CFAP54: variants seen among roughly 807,000 people sequenced by gnomAD.
The protein encoded by CFAP54 is cilia- and flagella-associated protein 54.
A neutral mutation model predicts 370.4 loss-of-function variants in CFAP54; 290 were observed. The observed-to-expected ratio is 0.78, with a 90% CI of 0.71 to 0.86. The LOEUF is 0.86. Among genes scored for constraint, CFAP54 ranks in the 40% least tolerant of loss-of-function variants. CFAP54 has a pLI of 0.00. For missense variants in CFAP54, 3,399 were observed against 3,528.7 expected (o/e 0.96, Z 0.93); for synonymous variants, 1,206 against 1,236.5 (o/e 0.98, Z 0.52).
At chr12:96,830,251 GT>G (rs1295289449) in intron 66 of CFAP54, among the ~76,000 whole-genome samples, 1 of 152,134 alleles carries the variant, frequency 6.6e-6, no homozygotes, top group Non-Finnish European at 1.5e-5. Flanking sequence ...GTAATTCTAT[GT>G]TTAACCTTTC....
chr12:96,607,055 C>T (rs1248421369), intron 26 of CFAP54, among the ~76,000 whole-genome samples: 3 of 152,210 alleles, frequency 2.0e-5, no homozygotes, highest in Non-Finnish European at 2.9e-5. Flanking sequence ...CTTCTACCCT[C>T]CACCTTAGCA....
intron 65 of CFAP54, among the ~76,000 whole-genome samples, chr12:96,826,388 T>G: frequency 9.6e-6 from 1 of 104,254 alleles, no homozygotes; most frequent in African/African-American, 3.7e-5. Context: ...AATATATTGT[T>G]ATATATATAT....
rs975529914 is a variant in CFAP54, at chr12:96,720,043, G to A, written c.6805-362G>A. Among the ~76,000 whole-genome samples, 3 of 152,294 alleles carry A rather than the reference G, an allele frequency of 2.0e-5. No homozygotes were observed. The East Asian group carries it at 5.8e-4, about 29-fold the overall frequency. ...GTATTGAGCAGTTAATGAAAATGTTGTGACCAGAGGCTCTCGGGTACTTTT... is the reference window on the plus strand; with the variant it reads ...GTATTGAGCAGTTAATGAAAATGTTATGACCAGAGGCTCTCGGGTACTTTT... On this transcript the variant is annotated intron_variant, in intron 49 of 67. Coordinates refer to ENST00000524981, the MANE Select transcript of CFAP54 (RefSeq NM_001306084.2).
At position 96,580,278 on chromosome 12, in the gene CFAP54, A is replaced by C. The variant is rs528958270; in HGVS notation, c.2797-319A>C. On this transcript the variant is annotated intron_variant, in intron 20 of 67. Coordinates refer to ENST00000524981, the MANE Select transcript of CFAP54 (RefSeq NM_001306084.2). ...GCATCTCCATTTCCTGTGAAGCAAA[A>C]TGACAATAGTAATCCCATCTCATAG... Among the ~76,000 whole-genome samples the C allele has an allele frequency of 1.2e-3, 177 of 152,226 alleles. 1 individual carries two copies. Among genetic ancestry groups the C allele is most frequent in the Admixed American group, 6.0e-3 (91 of 15,274 alleles).
At chr12:96,673,321 G>A (rs550704337) in intron 39 of CFAP54, among the ~76,000 whole-genome samples, 123 of 152,144 alleles carry the variant, frequency 8.1e-4, no homozygotes, top group African/African-American at 2.7e-3. Flanking sequence ...CCTCTTCTCC[G>A]TTGCTCCCTT....
intron 13 of CFAP54, chr12:96,540,262 T>C (rs528347492): frequency 6.6e-6 from 1 of 152,266 alleles, no homozygotes; most frequent in East Asian, 1.9e-4. Context: ...GCCAATACGC[T>C]GGCTATTTTT....
At chr12:96,595,991 G>A (rs1383860324) in intron 25 of CFAP54, among the ~76,000 whole-genome samples, 1 of 152,054 alleles carries the variant, frequency 6.6e-6, no homozygotes, top group Admixed American at 6.6e-5. Context: ...GTAACATGAT[G>A]TCATTGATAT....
In CFAP54 at chr12:96,742,422, A is replaced by T. The variant is rs777992206; in HGVS notation, c.7072-17A>T. Reference sequence around the variant, plus strand: ...ATTATTAAATGGAAAGATAACCATCATTTTAATATTGTTTAGGTCACTGAA... The same window carrying T: ...ATTATTAAATGGAAAGATAACCATCTTTTTAATATTGTTTAGGTCACTGAA... On this transcript the variant is annotated splice_polypyrimidine_tract_variant and intron_variant, in intron 51 of 67. Coordinates refer to ENST00000524981, the MANE Select transcript of CFAP54 (RefSeq NM_001306084.2). 2 of 1,527,590 alleles carry T rather than the reference A, an allele frequency of 1.3e-6. No homozygotes were observed. Among genetic ancestry groups the T allele is most frequent in the South Asian group, 2.3e-5 (2 of 87,756 alleles). The allele number at this position is 1,527,590 out of a possible 1,614,324, so 94.6% of individuals were successfully genotyped here.
At chr12:96,802,139 C>A (rs1435844833) in intron 63 of CFAP54, among the ~76,000 whole-genome samples, 4 of 152,012 alleles carry the variant, frequency 2.6e-5, no homozygotes, top group African/African-American at 9.7e-5. Flanking sequence ...TGCTGCCTGA[C>A]CAAGGAGGGA....
At chr12:96,799,521 T>A (rs1958800907) in intron 63 of CFAP54, among the ~76,000 whole-genome samples, 1 of 152,204 alleles carries the variant, frequency 6.6e-6, no homozygotes, top group African/African-American at 2.4e-5. Context: ...CTCTTTGTTC[T>A]CCAGCACCAT....
chr12:96,582,972 G>A (rs573149589), intron 22 of CFAP54, among the ~76,000 whole-genome samples: 2 of 152,264 alleles, frequency 1.3e-5, no homozygotes, highest in African/African-American at 2.4e-5. Flanking sequence ...TTTCATGAGA[G>A]TGGTTAGTTT....
intron 14 of CFAP54, 59 bp downstream of exon 14, chr12:96,541,046 T>G (rs1955563575): frequency 1.7e-6 from 2 of 1,145,820 alleles, no homozygotes; most frequent in Admixed American, 6.9e-5. Flanking sequence ...AGGTATGATA[T>G]CAAATGCAGG....
intron 33 of CFAP54, among the ~76,000 whole-genome samples, chr12:96,647,439 C>T (rs1378163128): frequency 8.1e-6 from 1 of 123,996 alleles, no homozygotes. Context: ...CGCCACTGCA[C>T]TCCAGTCTGG....
intron 42 of CFAP54, among the ~76,000 whole-genome samples, chr12:96,685,868 C>T (rs145858207): frequency 4.6e-5 from 7 of 152,204 alleles, no homozygotes; most frequent in South Asian, 2.1e-4. Context: ...TGACTTGTTG[C>T]GTGGTCAAAT....
At chr12:96,702,540 G>A (rs1423669228) in intron 46 of CFAP54, among the ~76,000 whole-genome samples, 2 of 131,546 alleles carry the variant, frequency 1.5e-5, no homozygotes, top group African/African-American at 6.0e-5. Context: ...GTTTTCAATG[G>A]TCACTGCCTT....
At chr12:96,701,773 G>C (rs570967319) in intron 46 of CFAP54, among the ~76,000 whole-genome samples, 1 of 150,964 alleles carries the variant, frequency 6.6e-6, no homozygotes, top group Non-Finnish European at 1.5e-5. Flanking sequence ...GCTGCAATGA[G>C]GAGGAGGAGG....
chr12:96,512,970 C>T lies in CFAP54; in HGVS notation c.740-16C>T. Reference sequence around the variant, plus strand: ...TTTGACTGTAAAACATGTTAACAATCGTTTTCTCCATCCAGGTACCATTTA... The same window carrying T: ...TTTGACTGTAAAACATGTTAACAATTGTTTTCTCCATCCAGGTACCATTTA... On this transcript the variant is annotated splice_polypyrimidine_tract_variant and intron_variant, in intron 4 of 67. Coordinates refer to ENST00000524981, the MANE Select transcript of CFAP54 (RefSeq NM_001306084.2). 2.0e-6 allele frequency: 3 copies of T among 1,480,594 alleles called. No individual in the cohort carries two copies. The highest frequency in any genetic ancestry group is 2.7e-6 in the Non-Finnish European group (3 of 1,110,266). 91.7% of individuals were successfully genotyped at this position (1,480,594 alleles called of 1,614,324 possible).
At position 96,868,430 on chromosome 12, in the gene CFAP54, CT is replaced by C. The variant is rs35020483; in HGVS notation, c.*15-6673del. Among the ~76,000 whole-genome samples the C allele has an allele frequency of 2.8e-3, 393 of 138,168 alleles. 2 individuals carry two copies. The highest frequency in any genetic ancestry group is 7.0e-3 in the African/African-American group (263 of 37,382). 90.6% of individuals were successfully genotyped at this position (138,168 alleles called of 152,430 possible). Reference sequence around the variant, plus strand: ...CTCAATTTTTTACTTGTATGTTCATCTTTTTTTTTTTTTTTGAGATTTCCAA... The same window carrying C: ...CTCAATTTTTTACTTGTATGTTCATCTTTTTTTTTTTTTTGAGATTTCCAA... On this transcript the variant is annotated intron_variant, in intron 67 of 67. Transcript: ENST00000524981.
Position 96,494,872 on chromosome 12 carries a change from G to A in CFAP54, c.317+4946G>A, listed in dbSNP as rs190807862. Among the ~76,000 whole-genome samples the A allele has an allele frequency of 1.3e-3, 205 of 151,960 alleles. 1 individual carries two copies. The highest frequency in any genetic ancestry group is 2.5e-3 in the Non-Finnish European group (167 of 67,970). On this transcript the variant is annotated intron_variant, in intron 1 of 67. Coordinates refer to ENST00000524981, the MANE Select transcript of CFAP54 (RefSeq NM_001306084.2). Reference sequence around the variant, plus strand: ...CTCCCAAGTAGCTGGGACTACAGGCGCAACCTACCACGCCCAGCTAATTTT... The same window carrying A: ...CTCCCAAGTAGCTGGGACTACAGGCACAACCTACCACGCCCAGCTAATTTT...
Sources: gnomAD v4.1 joint callset for allele counts (sites outside exome capture counted in the v4.1 genomes callset) on GRCh38, gnomAD v4.1.1 for gene constraint, MANE v1.5 for transcripts, NCBI Gene and HGNC (gene_info 2026-07-23, HGNC 2026-07-21) for gene names.